CTNNA1: variants seen among roughly 807,000 people sequenced by gnomAD.
The protein encoded by CTNNA1 is catenin alpha 1.
Under a neutral mutation model 98.4 loss-of-function variants are expected in CTNNA1, and 37 were observed. The ratio of observed to expected loss-of-function variants is 0.38; its 90% CI spans 0.29 to 0.49. CTNNA1 has a LOEUF of 0.49. CTNNA1 is among the 20% of genes least tolerant of loss of function. The probability of loss-of-function intolerance (pLI) is 0.95; values close to 1 mark genes in which losing one functional copy is unlikely to be tolerated. For missense variants in CTNNA1, 761 were observed against 1,147.2 expected, an observed-to-expected ratio of 0.66 and a Z score of 4.86; for synonymous variants, 404 against 413.2, an observed-to-expected ratio of 0.98 and a Z score of 0.27.
intron 1 of CTNNA1, among the ~76,000 whole-genome samples, chr5:138,757,043 A>G (rs1039102841): frequency 5.9e-5 from 9 of 152,056 alleles, no homozygotes; most frequent in Non-Finnish European, 1.2e-4. Flanking sequence ...TAAAAAAAAA[A>G]AAATCAACCA....
chr5:138,930,985 G>C (rs1561775364), intron 16 of CTNNA1, 50 bp downstream of exon 16: 2 of 1,233,046 alleles, frequency 1.6e-6, no homozygotes, highest in Non-Finnish European at 2.4e-6. Flanking sequence ...CTGGGGCTCA[G>C]GCAGCCCAGC....
intron 1 of CTNNA1, among the ~76,000 whole-genome samples, chr5:138,764,900 C>G (rs1752757838): frequency 8.3e-6 from 1 of 120,190 alleles, no homozygotes; most frequent in African/African-American, 3.2e-5. Context: ...TGAGATCTCG[C>G]CCTGTCGCCC....
chr5:138,911,960 T>C (rs930386825), intron 10 of CTNNA1, among the ~76,000 whole-genome samples: 5 of 152,180 alleles, frequency 3.3e-5, no homozygotes, highest in African/African-American at 1.2e-4. Flanking sequence ...GAGTTCCCAT[T>C]TATTTTGGTA....
chr5:138,856,533 G>A (rs1763745301), intron 7 of CTNNA1, among the ~76,000 whole-genome samples: 1 of 151,998 alleles, frequency 6.6e-6, no homozygotes, highest in African/African-American at 2.4e-5. Flanking sequence ...GTAATAATGG[G>A]GTCTCGTCGT....
intron 3 of CTNNA1, among the ~76,000 whole-genome samples, chr5:138,802,568 G>A (rs755057909): frequency 6.6e-6 from 1 of 152,004 alleles, no homozygotes; most frequent in Non-Finnish European, 1.5e-5. Flanking sequence ...TAAAGGTTAC[G>A]GGAGAATCAT....
chr5:138,865,036 A>T (rs943850521), intron 7 of CTNNA1, among the ~76,000 whole-genome samples: 9 of 147,058 alleles, frequency 6.1e-5, no homozygotes, highest in Non-Finnish European at 1.4e-4. Context: ...CTGGTCTTGA[A>T]CTCCTGACCT....
At chr5:138,770,232 T>C (rs1443276985) in intron 1 of CTNNA1, among the ~76,000 whole-genome samples, 2 of 152,232 alleles carry the variant, frequency 1.3e-5, no homozygotes, top group South Asian at 4.1e-4. Flanking sequence ...CTTTTTTCTC[T>C]TGTGCCTCCA....
At chr5:138,888,251 G>T (rs1377119487) in intron 9 of CTNNA1, among the ~76,000 whole-genome samples, 2 of 152,140 alleles carry the variant, frequency 1.3e-5, no homozygotes, top group Admixed American at 6.5e-5. Context: ...CAAGAAGAAA[G>T]AGTGAATCGT....
chr5:138,830,796 A>T (rs1438877955), intron 7 of CTNNA1, among the ~76,000 whole-genome samples: 1 of 152,138 alleles, frequency 6.6e-6, no homozygotes, highest in African/African-American at 2.4e-5. Flanking sequence ...GAACAGACAA[A>T]GTTTCTATAG....
intron 7 of CTNNA1, chr5:138,880,418 C>T (rs1471964334): frequency 6.6e-6 from 1 of 152,534 alleles, no homozygotes. Context: ...GGATTACAGG[C>T]ATAAGCCACC....
intron 7 of CTNNA1, among the ~76,000 whole-genome samples, chr5:138,841,978 A>G (rs1453163821): frequency 2.0e-5 from 3 of 152,220 alleles, no homozygotes; most frequent in African/African-American, 7.2e-5. Flanking sequence ...TTCAAACATG[A>G]AAGTCATCTT....
chr5:138,916,781 T>TA lies in CTNNA1; in HGVS notation c.1390-961_1390-960insA, dbSNP rs538235839. On this transcript the variant is annotated intron_variant, in intron 10 of 17. Transcript: ENST00000302763. The stretch of plus-strand genomic sequence containing the variant: ...TATTTTTATTTATTATTTTATTTAT[T>TA]TTTTTTTTGAGACAACAAGTTTCAC... 6.0e-5 allele frequency among the ~76,000 whole-genome samples: 9 copies of TA among 150,330 alleles called. No individual in the cohort carries two copies. The South Asian group carries it at 1.9e-3, about 31-fold the overall frequency.
intron 2 of CTNNA1, 44 bp downstream of exon 2, chr5:138,782,073 G>A (rs755737694): frequency 5.7e-6 from 9 of 1,570,318 alleles, no homozygotes; most frequent in South Asian, 1.2e-5. Context: ...TGGTTCTATA[G>A]CACAGGCCTG....
intron 7 of CTNNA1, among the ~76,000 whole-genome samples, chr5:138,854,923 C>T (rs1382498930): frequency 6.6e-6 from 1 of 152,186 alleles, no homozygotes; most frequent in Non-Finnish European, 1.5e-5. Flanking sequence ...CCATTATAAC[C>T]ATTGACAGAT....
At chr5:138,765,275 A>G (rs1752805396) in intron 1 of CTNNA1, among the ~76,000 whole-genome samples, 1 of 152,096 alleles carries the variant, frequency 6.6e-6, no homozygotes, top group African/African-American at 2.4e-5. Context: ...TCCTGACCTC[A>G]GGTGATCCGC....
In CTNNA1 at chr5:138,927,916, T is replaced by G. The variant is rs192215736; in HGVS notation, c.1900-1330T>G. Among the ~76,000 whole-genome samples, 116 of 152,244 alleles carry G rather than the reference T, an allele frequency of 7.6e-4. 2 individuals carry two copies. The highest frequency in any genetic ancestry group is 6.8e-3 in the Middle Eastern group (2 of 294). ...GCGTTAAAACTGTCAGTGCTGGCAT[T>G]GTGTTTTGTGCCACCGAGTCCATCG... On this transcript the variant is annotated intron_variant, in intron 13 of 17. Coordinates refer to ENST00000302763, the MANE Select transcript of CTNNA1 (RefSeq NM_001903.5).
chr5:138,807,034 A>G (rs979174131), intron 3 of CTNNA1, among the ~76,000 whole-genome samples: 1 of 142,188 alleles, frequency 7.0e-6, no homozygotes, highest in African/African-American at 2.6e-5. Flanking sequence ...TTTTTGAGAC[A>G]GACTCTCGCT....
intron 5 of CTNNA1, among the ~76,000 whole-genome samples, chr5:138,824,066 T>A (rs1380819145): frequency 6.6e-6 from 1 of 151,976 alleles, no homozygotes; most frequent in Non-Finnish European, 1.5e-5. Flanking sequence ...TTTCTATCGT[T>A]GGTTGGTATA....
In CTNNA1 at chr5:138,809,292, G is replaced by A. The variant is rs530536543; in HGVS notation, c.302-746G>A. Among the ~76,000 whole-genome samples, 27 of 152,236 alleles carry A rather than the reference G, an allele frequency of 1.8e-4. No homozygotes were observed. The South Asian group carries it at 2.3e-3, about 13-fold the overall frequency. ...CATTATAGAAACTTTTTATAAGTAC[G>A]AAATGTAAAGAGGCCGTGTGTAACC... On this transcript the variant is annotated intron_variant, in intron 3 of 17. Coordinates refer to ENST00000302763, the MANE Select transcript of CTNNA1 (RefSeq NM_001903.5).
Sources: allele counts gnomAD v4.1 joint callset (sites outside exome capture counted in the v4.1 genomes callset), GRCh38; gene constraint gnomAD v4.1.1; transcripts MANE v1.5; gene names NCBI Gene and HGNC (gene_info 2026-07-23, HGNC 2026-07-21).